Variants in UBE4B observed in about 807,000 individuals in gnomAD.
UBE4B encodes ubiquitination factor E4B.
UBE4B carries 27 observed loss-of-function variants against 148.1 expected under a neutral mutation model. The observed-to-expected ratio is 0.18, with a 90% confidence interval of 0.13 to 0.25. The LOEUF (loss-of-function observed/expected upper bound fraction) is 0.25, where lower values mean the gene tolerates loss of function less well. Among genes scored for constraint, UBE4B ranks in the 10% least tolerant of loss-of-function variants. The probability of loss-of-function intolerance (pLI) is 1.00; values close to 1 mark genes in which losing one functional copy is unlikely to be tolerated. For synonymous variants in UBE4B, 596 were observed against 619.3 expected (o/e 0.96, Z 0.56); for missense variants, 1,170 against 1,662.4 (o/e 0.70, Z 5.15).
intron 2 of UBE4B, among the ~76,000 whole-genome samples, chr1:10,082,700 T>C (rs1372781441): frequency 6.6e-6 from 1 of 150,672 alleles, no homozygotes; most frequent in Non-Finnish European, 1.5e-5. Flanking sequence ...GCAGGTTTGT[T>C]ACATAGGTAC....
At chr1:10,146,809 G>A (rs912003455) in intron 18 of UBE4B, among the ~76,000 whole-genome samples, 154 bp from the exon 19 acceptor site, 3 of 152,100 alleles carry the variant, frequency 2.0e-5, no homozygotes, top group Admixed American at 2.0e-4. Flanking sequence ...AAGGTCTTGA[G>A]ACACAACCAG....
rs1645659265 is a variant in UBE4B at position 10,135,198 on chromosome 1, G to C, written c.2224+12G>C. The C allele has an allele frequency of 6.2e-7, 1 of 1,609,316 alleles. No individual in the cohort carries two copies. The highest frequency in any genetic ancestry group is 8.5e-7 in the Non-Finnish European group (1 of 1,177,330). The stretch of plus-strand genomic sequence containing the variant: ...GCTGACTGAACTCTGTGAGTACTGT[G>C]TTCGTGACTCGGTCATTAAAACACT... On this transcript the variant is annotated intron_variant, in intron 16 of 27. Coordinates refer to ENST00000343090, the MANE Select transcript of UBE4B (RefSeq NM_001105562.3).
chr1:10,134,018 A>C (rs954540497), intron 15 of UBE4B, among the ~76,000 whole-genome samples: 2 of 151,602 alleles, frequency 1.3e-5, no homozygotes, highest in Non-Finnish European at 2.9e-5. Context: ...CCACTGCACT[A>C]CAGCCTGGGC....
intron 2 of UBE4B, among the ~76,000 whole-genome samples, chr1:10,092,024 A>G (rs2101868067): frequency 6.6e-6 from 1 of 152,172 alleles, no homozygotes; most frequent in South Asian, 2.1e-4. Context: ...TGCTGGGATT[A>G]CAGATGTGAG....
At chr1:10,162,882 A>G (rs770789712) in intron 23 of UBE4B, among the ~76,000 whole-genome samples, 1 of 151,974 alleles carries the variant, frequency 6.6e-6, no homozygotes, top group Non-Finnish European at 1.5e-5. Flanking sequence ...CTTCTTATGT[A>G]TTAAAGTTCT....
chr1:10,143,016 G>A (rs994380977), intron 17 of UBE4B, among the ~76,000 whole-genome samples: 4 of 152,008 alleles, frequency 2.6e-5, no homozygotes, highest in East Asian at 1.9e-4. Context: ...GCTGAGGTAC[G>A]AGAATTATTT....
intron 1 of UBE4B, among the ~76,000 whole-genome samples, chr1:10,063,404 G>A (rs1230877210): frequency 1.3e-5 from 2 of 152,004 alleles, no homozygotes; most frequent in East Asian, 3.8e-4. Context: ...TCAATTTTAG[G>A]GTATTTTACC....
intron 2 of UBE4B, among the ~76,000 whole-genome samples, chr1:10,073,920 A>ATT (rs947131085): frequency 0.015 from 1,149 of 74,830 alleles, 7 homozygotes; most frequent in Middle Eastern, 0.019. Flanking sequence ...CTTTCTTTCT[A>ATT]TTTTTTTTTT....
At position 10,046,420 on chromosome 1, in the gene UBE4B, C is replaced by G. The variant is rs1408009723; in HGVS notation, c.24+12726C>G. 2.0e-5 allele frequency among the ~76,000 whole-genome samples: 3 copies of G among 152,286 alleles called. No homozygotes were observed. In the East Asian group the frequency reaches 5.8e-4, roughly 29 times the overall value. Reference sequence around the variant, plus strand: ...TAAAACAAAGTTATCAGGGGCTCTGCTGTCCCCCATACAGTGGTGGAGAGG... The same window carrying G: ...TAAAACAAAGTTATCAGGGGCTCTGGTGTCCCCCATACAGTGGTGGAGAGG... On this transcript the variant is annotated intron_variant, in intron 1 of 27. Transcript: ENST00000343090.
chr1:10,097,052 A>AAAAAAAATAAT (rs554089049), intron 3 of UBE4B, among the ~76,000 whole-genome samples: 2 of 138,514 alleles, frequency 1.4e-5, no homozygotes, highest in African/African-American at 5.3e-5. Context: ...AAAAAAAAAA[A>AAAAAAAATAAT]AATAATAATA....
chr1:10,131,328 T>G (rs982523871), intron 14 of UBE4B, among the ~76,000 whole-genome samples: 11 of 151,464 alleles, frequency 7.3e-5, no homozygotes, highest in Admixed American at 6.6e-4. Context: ...AATACAAAAA[T>G]TAGCCAGGCA....
intron 1 of UBE4B, among the ~76,000 whole-genome samples, chr1:10,062,058 C>T (rs909540057): frequency 2.0e-5 from 3 of 151,252 alleles, no homozygotes; most frequent in Non-Finnish European, 4.4e-5. Flanking sequence ...TACAGGCGGG[C>T]ACCACCACAC....
intron 7 of UBE4B, among the ~76,000 whole-genome samples, chr1:10,107,835 C>T (rs1645143306): frequency 1.3e-5 from 2 of 152,106 alleles, no homozygotes; most frequent in South Asian, 4.1e-4. Context: ...GTCTTGGCCT[C>T]CCAAAATGTT....
At chr1:10,036,480 G>T (rs1002035570) in intron 1 of UBE4B, among the ~76,000 whole-genome samples, 1 of 151,470 alleles carries the variant, frequency 6.6e-6, no homozygotes, top group South Asian at 2.1e-4. Context: ...AATAATATTC[G>T]TTTGTTTTTA....
At chr1:10,121,625 C>T (rs952688870) in intron 9 of UBE4B, among the ~76,000 whole-genome samples, 6 of 151,986 alleles carry the variant, frequency 3.9e-5, no homozygotes, top group African/African-American at 1.2e-4. Context: ...AACTCTGGGC[C>T]TCAAGTGATC....
chr1:10,149,658 G>A lies in UBE4B; in HGVS notation c.2690+376G>A, dbSNP rs117583935. ...TAAAATTTGTCTCAATTGTAAAATT[G>A]GAGAATGCTTACCAAGAAATGGTTT... On this transcript the variant is annotated intron_variant, in intron 20 of 27. Transcript: ENST00000343090. Among the ~76,000 whole-genome samples the A allele has an allele frequency of 1.3e-3, 200 of 152,210 alleles. 1 individual carries two copies. The East Asian group carries it at 0.033, about 25-fold the overall frequency.
intron 1 of UBE4B, among the ~76,000 whole-genome samples, chr1:10,064,537 G>A (rs1644347701): frequency 1.3e-5 from 2 of 152,160 alleles, no homozygotes; most frequent in South Asian, 4.1e-4. Context: ...CACAGGAAGA[G>A]ACTGGAATCA....
chr1:10,145,282 G>A (rs925572365), intron 18 of UBE4B: 5 of 293,648 alleles, frequency 1.7e-5, no homozygotes, highest in East Asian at 5.9e-5. Context: ...TTCTTAATGG[G>A]TTTTATGATT....
chr1:10,117,630 A>G (rs978463196), intron 8 of UBE4B, 30 bp downstream of exon 8: 3 of 1,555,528 alleles, frequency 1.9e-6, no homozygotes, highest in Non-Finnish European at 2.6e-6. Context: ...CTTAAAAAAA[A>G]AAAAGCCTAG....
Sources: allele counts gnomAD v4.1 joint callset (sites outside exome capture counted in the v4.1 genomes callset), GRCh38; gene constraint gnomAD v4.1.1; transcripts MANE v1.5; gene names NCBI Gene and HGNC (gene_info 2026-07-23, HGNC 2026-07-21).